The following MEIOSIN variants were observed in gnomAD, a reference collection of about 807,000 sequenced individuals.
The protein encoded by MEIOSIN is meiosis initiator.
MEIOSIN carries 18 observed loss-of-function variants against 23.4 expected under a neutral mutation model. The ratio of observed to expected loss-of-function variants is 0.77; its 90% confidence interval spans 0.53 to 1.14. The LOEUF is 1.14. MEIOSIN is among the 50% of genes most tolerant of loss of function. The probability of loss-of-function intolerance (pLI) is 0.00; values close to 1 mark genes in which losing one functional copy is unlikely to be tolerated. For synonymous variants in MEIOSIN, 187 were observed against 100.6 expected (o/e 1.86, Z -5.14); for missense variants, 428 against 242.9 (o/e 1.76, Z -5.07).
At position 45,755,965 on chromosome 19, in the gene MEIOSIN, C is replaced by T; in HGVS notation, c.803-5C>T. 1 of 702,304 alleles carries T rather than the reference C, an allele frequency of 1.4e-6. No homozygotes were observed. Among genetic ancestry groups the T allele is most frequent in the Non-Finnish European group, 2.6e-6 (1 of 384,890 alleles). The allele number at this position is 702,304 out of a possible 1,614,324, so 43.5% of individuals were successfully genotyped here. A position where few individuals can be genotyped will look rare whatever the true frequency, so the allele number is the denominator to read the frequency against. ...CAGGCATGGTCATCCTGATCTGCCC[C>T]TTAGGCTGCTGGTGCCAGGGCAGTG... On this transcript the variant is annotated splice_region_variant and splice_polypyrimidine_tract_variant and intron_variant, in intron 7 of 14. Coordinates refer to ENST00000457052, the MANE Select transcript of MEIOSIN (RefSeq NM_001310124.2).
intron 4 of MEIOSIN, among the ~76,000 whole-genome samples, 191 bp downstream of exon 4, chr19:45,745,512 T>C (rs1158133972): frequency 6.6e-6 from 1 of 152,116 alleles, no homozygotes; most frequent in Non-Finnish European, 1.5e-5. Context: ...GATCCTTTTT[T>C]GCAAAGGAGA....
chr19:45,738,716 C>T (rs1381547781), intron 2 of MEIOSIN, among the ~76,000 whole-genome samples: 2 of 152,188 alleles, frequency 1.3e-5, no homozygotes, highest in Non-Finnish European at 2.9e-5. Flanking sequence ...GGCTTTCACA[C>T]CATTGTAAAG....
In MEIOSIN at chr19:45,754,602, G is replaced by T. The variant is rs984205186; in HGVS notation, c.680G>T (p.Cys227Phe). 6 of 703,062 alleles carry T rather than the reference G, an allele frequency of 8.5e-6. No homozygotes were observed. The highest frequency in any genetic ancestry group is 1.6e-5 in the Non-Finnish European group (6 of 385,018). The allele number at this position is 703,062 out of a possible 1,614,324, so 43.6% of individuals were successfully genotyped here. ...GTGGTTTPPR[C>F]PDSCGHPRPA... ...GGGGGGACCACTACCCCTCCAAGGT[G>T]CCCTGACTCCTGCGGTCACCCGAGG... The change falls in exon 7 of 15, where the codon TGC becomes TTC. Residue 227 changes from cysteine (C) to phenylalanine (F), a missense_variant. Transcript: ENST00000457052.
intron 8 of MEIOSIN, 25 bp downstream of exon 8, chr19:45,756,103 G>A (rs1447475362): frequency 7.1e-6 from 5 of 702,194 alleles, no homozygotes; most frequent in East Asian, 2.7e-5. Flanking sequence ...AGGGCACTGA[G>A]TGAGTGGTGC....
At position 45,739,713 on chromosome 19, in the gene MEIOSIN, G is replaced by A. The variant is rs985155908; in HGVS notation, c.159G>A (p.Leu53=). Residue 53 remains leucine (L), a synonymous_variant, in exon 3 of 15, where the codon TTG becomes TTA. Transcript: ENST00000457052. The part of the protein sequence containing the change: ...PHGLRMEEKW[L]LKGKLRNQRN... ...GACTGAGAATGGAGGAGAAATGGTT[G>A]CTCAAAGGAAAACTGAGGTACTGTT... 3 of 703,432 alleles carry A rather than the reference G, an allele frequency of 4.3e-6. No homozygotes were observed. In the African/African-American group the frequency reaches 5.2e-5, roughly 12 times the overall value. The allele number at this position is 703,432 out of a possible 1,614,324, so 43.6% of individuals were successfully genotyped here. A position where few individuals can be genotyped will look rare whatever the true frequency, so the allele number is the denominator to read the frequency against.
At chr19:45,746,430 T>A (rs1393393451) in intron 4 of MEIOSIN, among the ~76,000 whole-genome samples, 1 of 152,222 alleles carries the variant, frequency 6.6e-6, no homozygotes, top group Non-Finnish European at 1.5e-5. Flanking sequence ...ATGTCTTTCC[T>A]GTCCTACCGC....
At chr19:45,757,993 T>A (rs1968865084) in intron 9 of MEIOSIN, among the ~76,000 whole-genome samples, 1 of 138,216 alleles carries the variant, frequency 7.2e-6, no homozygotes. Context: ...GCTCCCGACC[T>A]CAGAATCCAT....
At chr19:45,759,118 G>A (rs891195886) in intron 10 of MEIOSIN, 85 bp downstream of exon 10, 17 of 685,088 alleles carry the variant, frequency 2.5e-5, no homozygotes, top group African/African-American at 1.1e-4. Flanking sequence ...CTGGGTGCCC[G>A]GGGTGAATCC....
intron 3 of MEIOSIN, among the ~76,000 whole-genome samples, chr19:45,742,636 AGGCG>A (rs1441918925): frequency 1.8e-4 from 28 of 151,798 alleles, no homozygotes; most frequent in Middle Eastern, 3.4e-3. Flanking sequence ...AAAATTAGCC[AGGCG>A]TGGTGTCAGG....
chr19:45,746,234 G>A (rs995145796), intron 4 of MEIOSIN, among the ~76,000 whole-genome samples: 1 of 151,976 alleles, frequency 6.6e-6, no homozygotes. Flanking sequence ...CCCAAAGTTC[G>A]GGGATTACAG....
intron 5 of MEIOSIN, among the ~76,000 whole-genome samples, chr19:45,751,734 CTTT>C (rs35105394): frequency 7.2e-6 from 1 of 139,600 alleles, no homozygotes; most frequent in African/African-American, 2.7e-5. Flanking sequence ...TTCTTTCTTT[CTTT>C]TTTTTTTTTT....
At chr19:45,759,075 A>G (rs1568560048) in intron 10 of MEIOSIN, 42 bp downstream of exon 10, 2 of 702,718 alleles carry the variant, frequency 2.8e-6, no homozygotes, top group Non-Finnish European at 5.2e-6. Context: ...TCATTCGGGA[A>G]ACATACGGTG....
intron 2 of MEIOSIN, 148 bp downstream of exon 2, chr19:45,735,595 T>G: frequency 1.8e-6 from 1 of 562,474 alleles, no homozygotes; most frequent in Non-Finnish European, 3.2e-6. Flanking sequence ...AACAATCTCA[T>G]GAGGAAGTTG....
In MEIOSIN at chr19:45,739,732, T is replaced by C. The variant is rs1443430366; in HGVS notation, c.176+2T>C. On this transcript the variant is annotated splice_donor_variant, in intron 3 of 14. Coordinates refer to ENST00000457052, the MANE Select transcript of MEIOSIN (RefSeq NM_001310124.2). LOFTEE classifies it high-confidence loss of function. Reference sequence around the variant, plus strand: ...ATGGTTGCTCAAAGGAAAACTGAGGTACTGTTAACAGAAAAGGGGGGATTG... The same window carrying C: ...ATGGTTGCTCAAAGGAAAACTGAGGCACTGTTAACAGAAAAGGGGGGATTG... 1 of 703,358 alleles carries C rather than the reference T, an allele frequency of 1.4e-6. No individual in the cohort carries two copies. Among genetic ancestry groups the C allele is most frequent in the African/African-American group, 1.7e-5 (1 of 57,218 alleles). The allele number at this position is 703,358 out of a possible 1,614,324, so 43.6% of individuals were successfully genotyped here.
At chr19:45,738,343 G>A (rs1968443471) in intron 2 of MEIOSIN, among the ~76,000 whole-genome samples, 1 of 152,140 alleles carries the variant, frequency 6.6e-6, no homozygotes, top group South Asian at 2.1e-4. Context: ...AAAATGCATG[G>A]TTGATGGCTC....
chr19:45,750,129 C>T (rs1968671803), intron 4 of MEIOSIN, among the ~76,000 whole-genome samples: 1 of 148,818 alleles, frequency 6.7e-6, no homozygotes, highest in African/African-American at 2.5e-5. Flanking sequence ...CCCCATTCCC[C>T]ACCCACCCCA....
chr19:45,751,319 T>A (rs937580359), intron 5 of MEIOSIN, among the ~76,000 whole-genome samples: 64 of 130,966 alleles, frequency 4.9e-4, no homozygotes, highest in African/African-American at 1.5e-3. Context: ...AATATATACA[T>A]AAAATAAAAT....
intron 8 of MEIOSIN, 129 bp from the exon 9 acceptor site, chr19:45,757,048 G>C (rs1324794670): frequency 3.4e-6 from 2 of 594,972 alleles, no homozygotes; most frequent in African/African-American, 1.8e-5. Context: ...CTGAGGATGG[G>C]AGCCTCGACT....
At chr19:45,735,567 A>G in intron 2 of MEIOSIN, 120 bp downstream of exon 2, 1 of 604,442 alleles carries the variant, frequency 1.7e-6, no homozygotes. Flanking sequence ...TGTTTGTATG[A>G]TAACTGTTAA....
Sources: gnomAD v4.1 joint callset for allele counts (sites outside exome capture counted in the v4.1 genomes callset) on GRCh38, gnomAD v4.1.1 for gene constraint, MANE v1.5 for transcripts, NCBI Gene and HGNC (gene_info 2026-07-23, HGNC 2026-07-21) for gene names.